BRIP1: variants seen among roughly 807,000 people sequenced by gnomAD.
BRIP1 encodes the protein Fanconi anemia group J protein.
A neutral mutation model predicts 119.7 loss-of-function variants in BRIP1; 88 were observed. That is an observed-to-expected ratio of 0.74 (90% CI 0.62 to 0.88). The LOEUF (loss-of-function observed/expected upper bound fraction) is 0.88. Among genes scored for constraint, BRIP1 ranks in the 40% least tolerant of loss-of-function variants. The pLI is 0.00. For missense variants in BRIP1, 1,259 were observed against 1,455.4 expected, an observed-to-expected ratio of 0.87 and a Z score of 2.20; for synonymous variants, 443 against 496.5, an observed-to-expected ratio of 0.89 and a Z score of 1.43.
intron 16 of BRIP1, among the ~76,000 whole-genome samples, chr17:61,731,270 T>C (rs2076839739): frequency 6.6e-6 from 1 of 152,180 alleles, no homozygotes; most frequent in Admixed American, 6.5e-5. Flanking sequence ...GAGTTAAGTA[T>C]TACAGCACTT....
At position 61,754,963 on chromosome 17, in the gene BRIP1, T is replaced by C. The variant is rs563954807; in HGVS notation, c.2098-10372A>G. On this transcript the variant is annotated intron_variant, in intron 14 of 19. Transcript: ENST00000259008. This position sits in a 1 kb window ranked among gnomAD's most constrained non-coding sequence, Gnocchi z 4.1. ...GGGTTAGGGCTTCAACATAAAAAATTTGGTGGTATACAAACATTCAGTCCA... is the reference window on the plus strand; with the variant it reads ...GGGTTAGGGCTTCAACATAAAAAATCTGGTGGTATACAAACATTCAGTCCA... Among the ~76,000 whole-genome samples the C allele has an allele frequency of 4.6e-5, 7 of 152,108 alleles. No individual in the cohort carries two copies. Among genetic ancestry groups the C allele is most frequent in the Non-Finnish European group, 7.4e-5 (5 of 67,994 alleles).
At position 61,683,272 on chromosome 17, in the gene BRIP1, A is replaced by C; in HGVS notation, c.*24T>G. 6.3e-7 allele frequency: 1 copy of C among 1,593,226 alleles called. No homozygotes were observed. Among genetic ancestry groups the C allele is most frequent in the Non-Finnish European group, 8.6e-7 (1 of 1,163,710 alleles). On this transcript the variant is annotated 3_prime_UTR_variant, in exon 20 of 20. Transcript: ENST00000259008. The surrounding 1 kb of genome is among the most constrained non-coding windows in gnomAD (Gnocchi z 4.7). ...AACATAAGCATGATGACATATTTTT[A>C]CTTAGCTTGAGAGTTAAGTATTATT...
intron 6 of BRIP1, among the ~76,000 whole-genome samples, chr17:61,839,085 CTA>C (rs1168764313): frequency 1.3e-5 from 2 of 152,014 alleles, no homozygotes; most frequent in Non-Finnish European, 2.9e-5. Context: ...ATTTACTCCC[CTA>C]TGACACCCAA....
chr17:61,713,612 C>T lies in BRIP1; in HGVS notation c.2492+2339G>A, dbSNP rs1440356623. 6.6e-6 allele frequency among the ~76,000 whole-genome samples: 1 copy of T among 151,616 alleles called. No individual in the cohort carries two copies. The highest frequency in any genetic ancestry group is 1.5e-5 in the Non-Finnish European group (1 of 67,960). Reference sequence around the variant, plus strand: ...TCTCGGCTCACTGCAGCCTCCACCTCCCGGGTTCAAGTAATTCTCCTGCCC... The same window carrying T: ...TCTCGGCTCACTGCAGCCTCCACCTTCCGGGTTCAAGTAATTCTCCTGCCC... On this transcript the variant is annotated intron_variant, in intron 17 of 19. Transcript: ENST00000259008. The surrounding 1 kb of genome is among the most constrained non-coding windows in gnomAD (Gnocchi z 4.9).
In BRIP1 at chr17:61,803,064, T is replaced by C. The variant is rs1423840695; in HGVS notation, c.919-1590A>G. 6.6e-6 allele frequency among the ~76,000 whole-genome samples: 1 copy of C among 151,636 alleles called. No homozygotes were observed. The highest frequency in any genetic ancestry group is 1.5e-5 in the Non-Finnish European group (1 of 68,002). On this transcript the variant is annotated intron_variant, in intron 7 of 19. Transcript: ENST00000259008. This position sits in a 1 kb window ranked among gnomAD's most constrained non-coding sequence, Gnocchi z 4.3. ...ATAGTAATTTGTGTTTCTTCTTTTA[T>C]GTTATCTACTAATGCCCTTTGCCAT...
Position 61,738,030 on chromosome 17 carries a change from CAAT to C in BRIP1, c.2379+4980_2379+4982del, listed in dbSNP as rs2076941209. Among the ~76,000 whole-genome samples the C allele has an allele frequency of 6.6e-6, 1 of 152,156 alleles. No homozygotes were observed. The highest frequency in any genetic ancestry group is 1.9e-4 in the East Asian group (1 of 5,196). On this transcript the variant is annotated intron_variant, in intron 16 of 19. Coordinates refer to ENST00000259008, the MANE Select transcript of BRIP1 (RefSeq NM_032043.3). This position sits in a 1 kb window ranked among gnomAD's most constrained non-coding sequence, Gnocchi z 4.2. ...CTGCCCTCTTGTACTACTGCCATTG[CAAT>C]AATAACATGCCTTGGCTAGTCTGTT... is the stretch of plus-strand genomic sequence containing the variant.
At chr17:61,833,670 CA>C (rs34789764) in intron 6 of BRIP1, among the ~76,000 whole-genome samples, 56,472 of 120,952 alleles carry the variant, frequency 0.47, 11,583 homozygotes, top group East Asian at 0.78. Context: ...GACTCCACCT[CA>C]AAAAAAAAAA....
chr17:61,805,928 T>C lies in BRIP1; in HGVS notation c.918+2539A>G, dbSNP rs1177488010. On this transcript the variant is annotated intron_variant, in intron 7 of 19. Transcript: ENST00000259008. This position sits in a 1 kb window ranked among gnomAD's most constrained non-coding sequence, Gnocchi z 5.6. ...TATATCTAAAATAATATTTCAGAAT[T>C]GTCATTCCTGACTCTAGTTAAAATT... Among the ~76,000 whole-genome samples, 1 of 152,250 alleles carries C rather than the reference T, an allele frequency of 6.6e-6. No homozygotes were observed. The highest frequency in any genetic ancestry group is 1.5e-5 in the Non-Finnish European group (1 of 68,036).
At position 61,685,964 on chromosome 17, in the gene BRIP1, G is replaced by A. The variant is rs1483709056; in HGVS notation, c.2777C>T (p.Ala926Val). 4 of 1,613,986 alleles carry A rather than the reference G, an allele frequency of 2.5e-6. No homozygotes were observed. The Admixed American group carries it at 5.0e-5, about 20-fold the overall frequency. The stretch of plus-strand genomic sequence containing the variant: ...AAAATTTTCTGGTGATAGATGACTT[G>A]CTGCTTCCAGTAAATAAGGTGAGGT... ...YSTSPYLLEA[A>V]SHLSPENFVE... The change falls in exon 19 of 20, where the codon GCA becomes GTA. Residue 926 changes from alanine to valine, a missense_variant. Around this residue, in one of 3 missense-constraint regions of BRIP1, gnomAD observed 753 missense variants for 891.8 expected, o/e 0.84. Transcript: ENST00000259008.
intron 17 of BRIP1, among the ~76,000 whole-genome samples, chr17:61,694,044 T>G (rs2061489212): frequency 6.6e-6 from 1 of 152,144 alleles, no homozygotes; most frequent in Non-Finnish European, 1.5e-5. Flanking sequence ...TTTTATAGAT[T>G]GTTGGATTCA....
rs568910173 is a variant in BRIP1, at chr17:61,825,098, A to G, written c.628-16341T>C. On this transcript the variant is annotated intron_variant, in intron 6 of 19. Coordinates refer to ENST00000259008, the MANE Select transcript of BRIP1 (RefSeq NM_032043.3). The surrounding 1 kb of genome is among the most constrained non-coding windows in gnomAD (Gnocchi z 4.1). ...CAGGAGATCGAGACCATCCTAGCTA[A>G]CATGGTGAAATCCCGTCTCTACTAA... Among the ~76,000 whole-genome samples the G allele has an allele frequency of 4.1e-4, 62 of 152,208 alleles. No individual in the cohort carries two copies. The highest frequency in any genetic ancestry group is 1.1e-3 in the Admixed American group (17 of 15,298).
chr17:61,839,486 A>AT (rs527564507), intron 6 of BRIP1, among the ~76,000 whole-genome samples: 42 of 152,282 alleles, frequency 2.8e-4, no homozygotes, highest in Admixed American at 1.0e-3. Context: ...AAAGAAACAA[A>AT]TATTAGAGCT....
rs1231019135 is a variant in BRIP1, at chr17:61,767,492, C to T, written c.2097+8909G>A. Among the ~76,000 whole-genome samples the T allele has an allele frequency of 2.0e-4, 30 of 152,016 alleles. No homozygotes were observed. Among genetic ancestry groups the T allele is most frequent in the Non-Finnish European group, 2.9e-5 (2 of 67,990 alleles). On this transcript the variant is annotated intron_variant, in intron 14 of 19. Coordinates refer to ENST00000259008, the MANE Select transcript of BRIP1 (RefSeq NM_032043.3). The surrounding 1 kb of genome is among the most constrained non-coding windows in gnomAD (Gnocchi z 5.7). ...GTCTCTCTATGTTACCCAGGCTGGTCTTGAACATCTGGCCTCAAGTGATCC... is the reference window on the plus strand; with the variant it reads ...GTCTCTCTATGTTACCCAGGCTGGTTTTGAACATCTGGCCTCAAGTGATCC...
rs1295294642 is a variant in BRIP1 at position 61,857,294 on chromosome 17, C to T, written c.206-63G>A. The T allele has an allele frequency of 4.2e-6, 6 of 1,417,976 alleles. No individual in the cohort carries two copies. The highest frequency in any genetic ancestry group is 5.8e-6 in the Non-Finnish European group (6 of 1,038,234). 87.8% of individuals were successfully genotyped at this position (1,417,976 alleles called of 1,614,324 possible). A position where few individuals can be genotyped will look rare whatever the true frequency, so the allele number is the denominator to read the frequency against. ...TTAAATAAACATCAATCATTCTCTA[C>T]AGCCCAGTTCACCCAGGATTGGGAG... On this transcript the variant is annotated intron_variant, in intron 3 of 19. Coordinates refer to ENST00000259008, the MANE Select transcript of BRIP1 (RefSeq NM_032043.3). The surrounding 1 kb of genome is among the most constrained non-coding windows in gnomAD (Gnocchi z 5.1).
At chr17:61,716,836 T>TGCTTCCA (rs2061886073) in intron 16 of BRIP1, among the ~76,000 whole-genome samples, 1 of 14,858 alleles carries the variant, frequency 6.7e-5, no homozygotes, top group Non-Finnish European at 1.5e-4. Flanking sequence ...TACTGGATTA[T>TGCTTCCA]TAGCTATGTC....
rs1055562488 is a variant in BRIP1 at position 61,709,082 on chromosome 17, T to A, written c.2492+6869A>T. Among the ~76,000 whole-genome samples the A allele has an allele frequency of 6.6e-6, 1 of 152,220 alleles. No individual in the cohort carries two copies. Among genetic ancestry groups the A allele is most frequent in the African/African-American group, 2.4e-5 (1 of 41,460 alleles). On this transcript the variant is annotated intron_variant, in intron 17 of 19. Transcript: ENST00000259008. The surrounding 1 kb of genome is among the most constrained non-coding windows in gnomAD (Gnocchi z 5.0). ...GAGGCTAATTGTTTCTTATACTAAT[T>A]TGCAACCAAGCCACCTGTTTTTAAA...
At chr17:61,859,657 A>C (rs2078946098) in intron 3 of BRIP1, 139 bp downstream of exon 3, 1 of 677,480 alleles carries the variant, frequency 1.5e-6, no homozygotes, top group Non-Finnish European at 2.7e-6. Context: ...TGGAAGATTT[A>C]TAACTTATTT....
chr17:61,722,513 T>G lies in BRIP1; in HGVS notation c.2380-6450A>C, dbSNP rs1021121945. ...TGTCCAGCTGGGAAAAATATATGTA[T>G]TTCCTACCTATCTCTCAAAAATGTA... On this transcript the variant is annotated intron_variant, in intron 16 of 19. Coordinates refer to ENST00000259008, the MANE Select transcript of BRIP1 (RefSeq NM_032043.3). This position sits in a 1 kb window ranked among gnomAD's most constrained non-coding sequence, Gnocchi z 4.6. Among the ~76,000 whole-genome samples, 3 of 152,250 alleles carry G rather than the reference T, an allele frequency of 2.0e-5. No individual in the cohort carries two copies. Among genetic ancestry groups the G allele is most frequent in the Non-Finnish European group, 4.4e-5 (3 of 68,044 alleles).
intron 4 of BRIP1, among the ~76,000 whole-genome samples, chr17:61,855,879 A>C (rs1425232051): frequency 6.6e-6 from 1 of 152,144 alleles, no homozygotes; most frequent in Non-Finnish European, 1.5e-5. Flanking sequence ...GACACATATA[A>C]TACAAACTGT....
Sources: gnomAD v4.1 joint callset for allele counts (sites outside exome capture counted in the v4.1 genomes callset) on GRCh38, gnomAD v4.1.1 for gene constraint, gnomAD v4.1.1 regional missense constraint, Gnocchi (gnomAD v3.1) non-coding constraint, MANE v1.5 for transcripts, NCBI Gene and HGNC (gene_info 2026-07-23, HGNC 2026-07-21) for gene names.